ACTN2: variants seen among roughly 807,000 people sequenced by gnomAD.
ACTN2 encodes the protein actinin alpha 2, also known as alpha-actinin-2.
A neutral mutation model predicts 113.8 loss-of-function variants in ACTN2; 39 were observed. The ratio of observed to expected loss-of-function variants is 0.34; its 90% CI spans 0.27 to 0.45. The LOEUF (loss-of-function observed/expected upper bound fraction) is 0.45, where lower values mean the gene tolerates loss of function less well. ACTN2 is among the 20% of genes least tolerant of loss of function. The pLI is 1.00. For missense variants in ACTN2, 992 were observed against 1,177.9 expected (o/e 0.84, Z 2.31); for synonymous variants, 429 against 444.1 (o/e 0.97, Z 0.43).
At chr1:236,698,171 G>A (rs1411432072) in intron 1 of ACTN2, among the ~76,000 whole-genome samples, 1 of 151,318 alleles carries the variant, frequency 6.6e-6, no homozygotes, top group Non-Finnish European at 1.5e-5. Context: ...ACTCAGAATG[G>A]TCATTGATAG....
chr1:236,715,588 T>C (rs1186569524), intron 1 of ACTN2, among the ~76,000 whole-genome samples: 4 of 152,114 alleles, frequency 2.6e-5, no homozygotes, highest in Non-Finnish European at 4.4e-5. Context: ...TTTTAAATTT[T>C]ATTTTAATTA....
intron 1 of ACTN2, among the ~76,000 whole-genome samples, chr1:236,702,075 C>T (rs1429999344): frequency 6.6e-6 from 1 of 152,072 alleles, no homozygotes; most frequent in Admixed American, 6.5e-5. Flanking sequence ...CAGTCTGTAC[C>T]CTTTCCAGTA....
At chr1:236,704,479 C>T (rs775357348) in intron 1 of ACTN2, among the ~76,000 whole-genome samples, 5 of 152,142 alleles carry the variant, frequency 3.3e-5, no homozygotes, top group African/African-American at 4.8e-5. Context: ...AAGACTGCCC[C>T]CCTTCAGACA....
chr1:236,750,440 C>A (rs990316491), intron 14 of ACTN2, among the ~76,000 whole-genome samples: 1 of 152,092 alleles, frequency 6.6e-6, no homozygotes, highest in African/African-American at 2.4e-5. Context: ...AGTCTAAAAT[C>A]GTTTATTTTT....
Position 236,741,488 on chromosome 1 carries a change from G to A in ACTN2, c.1108-1408G>A, listed in dbSNP as rs567951519. Among the ~76,000 whole-genome samples the A allele has an allele frequency of 3.2e-4, 49 of 152,192 alleles. 2 individuals carry two copies. Among genetic ancestry groups the A allele is most frequent in the Middle Eastern group, 6.8e-3 (2 of 294 alleles). On this transcript the variant is annotated intron_variant, in intron 10 of 20. Coordinates refer to ENST00000366578, the MANE Select transcript of ACTN2 (RefSeq NM_001103.4). ...GAACATATCCAAAAGAGTTCCTCCC[G>A]GTTTCCTCGATCCTAGTAAATTCTA...
intron 1 of ACTN2, among the ~76,000 whole-genome samples, chr1:236,692,513 A>C (rs1280039195): frequency 6.6e-6 from 1 of 152,210 alleles, no homozygotes; most frequent in Non-Finnish European, 1.5e-5. Context: ...GGAATTGTAG[A>C]TAGTCTTTGA....
Position 236,747,761 on chromosome 1 carries a change from A to C in ACTN2, c.1501A>C (p.Arg501=), listed in dbSNP as rs1394320410. 6.2e-7 allele frequency: 1 copy of C among 1,613,764 alleles called. No individual in the cohort carries two copies. The highest frequency in any genetic ancestry group is 1.1e-5 in the South Asian group (1 of 91,006). The change falls in exon 13 of 21, where the codon AGA becomes CGA. Residue 501 remains arginine (R), a synonymous_variant. Transcript: ENST00000366578. ...ACTGGGAACGCTTACTCAGAAGAGG[A>C]GAGAAGCCCTAGAGGTGAAGTATTG... ...DRLGTLTQKR[R]EALERMEKLL... is the part of the protein sequence containing the mutation.
intron 1 of ACTN2, among the ~76,000 whole-genome samples, chr1:236,706,400 C>G (rs1042157322): frequency 3.3e-5 from 5 of 152,130 alleles, no homozygotes; most frequent in African/African-American, 9.7e-5. Context: ...CTGTGTGTCA[C>G]TTTCACCAGC....
chr1:236,754,574 T>C lies in ACTN2; in HGVS notation c.1975-445T>C, dbSNP rs1051844059. 6.6e-6 allele frequency among the ~76,000 whole-genome samples: 1 copy of C among 152,172 alleles called. No homozygotes were observed. Among genetic ancestry groups the C allele is most frequent in the Non-Finnish European group, 1.5e-5 (1 of 68,032 alleles). ...CCACCACCCTTTTGGTGTTGAAATATTGACTTTTTTCTTAAAGCGGAGACC... is the reference window on the plus strand; with the variant it reads ...CCACCACCCTTTTGGTGTTGAAATACTGACTTTTTTCTTAAAGCGGAGACC... On this transcript the variant is annotated intron_variant, in intron 16 of 20. Coordinates refer to ENST00000366578, the MANE Select transcript of ACTN2 (RefSeq NM_001103.4). This position sits in a 1 kb window ranked among gnomAD's most constrained non-coding sequence, Gnocchi z 4.9.
intron 8 of ACTN2, among the ~76,000 whole-genome samples, chr1:236,735,977 G>A (rs1658861951): frequency 6.6e-6 from 1 of 152,126 alleles, no homozygotes; most frequent in Admixed American, 6.5e-5. Flanking sequence ...GTTGTGGAAA[G>A]TATTTGTGCT....
At chr1:236,696,567 GAT>G (rs1374332886) in intron 1 of ACTN2, among the ~76,000 whole-genome samples, 1 of 151,926 alleles carries the variant, frequency 6.6e-6, no homozygotes, top group African/African-American at 2.4e-5. Flanking sequence ...TTATATGTAA[GAT>G]AGAACGATAT....
intron 15 of ACTN2, 87 bp from the exon 16 acceptor site, chr1:236,753,860 C>CCCCCCCCCCCCCCTT: frequency 7.6e-7 from 1 of 1,320,870 alleles, no homozygotes; most frequent in Non-Finnish European, 1.1e-6. Flanking sequence ...CTCCCACCCC[C>CCCCCCCCCCCCCCTT]ACCCCTTGGA....
At chr1:236,706,629 A>C (rs758201201) in intron 1 of ACTN2, among the ~76,000 whole-genome samples, 1 of 152,202 alleles carries the variant, frequency 6.6e-6, no homozygotes, top group Non-Finnish European at 1.5e-5. Context: ...GGTATGTATC[A>C]GTGTATATTT....
chr1:236,713,031 T>A (rs1386761444), intron 1 of ACTN2, among the ~76,000 whole-genome samples: 1 of 152,020 alleles, frequency 6.6e-6, no homozygotes, highest in African/African-American at 2.4e-5. Flanking sequence ...GTAATTTTAC[T>A]TGCTGAAGAT....
intron 1 of ACTN2, among the ~76,000 whole-genome samples, chr1:236,709,017 G>A (rs1284991231): frequency 2.0e-5 from 3 of 151,698 alleles, no homozygotes; most frequent in Admixed American, 2.0e-4. Context: ...AAGTGGAAAA[G>A]AACACTATTA....
intron 1 of ACTN2, among the ~76,000 whole-genome samples, chr1:236,694,711 T>C (rs1291268479): frequency 2.0e-5 from 3 of 152,206 alleles, no homozygotes; most frequent in Admixed American, 2.0e-4. Flanking sequence ...AAAAATGTTC[T>C]CTTGAAGTAT....
rs1428788821 is a variant in ACTN2 at position 236,737,315 on chromosome 1, A to ATATATATG, written c.876+104_876+105insATATGTAT. 315 of 295,050 alleles carry ATATATATG rather than the reference A, an allele frequency of 1.1e-3. 29 individuals carry two copies. Among genetic ancestry groups the ATATATATG allele is most frequent in the African/African-American group, 7.0e-3 (304 of 43,660 alleles). The allele number at this position is 295,050 out of a possible 1,614,324, so 18.3% of individuals were successfully genotyped here. ...CGTGGGGGCATATATATATATATAT[A>ATATATATG]TATTTTGCATTTTTCATCTCAGATA... is the stretch of plus-strand genomic sequence containing the variant. On this transcript the variant is annotated intron_variant, in intron 9 of 20. Coordinates refer to ENST00000366578, the MANE Select transcript of ACTN2 (RefSeq NM_001103.4).
chr1:236,751,723 G>A (rs1217211184), intron 15 of ACTN2, 71 bp downstream of exon 15: 22 of 1,574,666 alleles, frequency 1.4e-5, no homozygotes, highest in Middle Eastern at 1.7e-4. Flanking sequence ...GGAAGTTAAC[G>A]CCTCGGGGAC....
At chr1:236,747,519 T>C (rs1659271419) in intron 12 of ACTN2, 148 bp from the exon 13 acceptor site, 1 of 679,650 alleles carries the variant, frequency 1.5e-6, no homozygotes, top group South Asian at 1.7e-5. Flanking sequence ...GAGCCTCCAC[T>C]GTCTATCAGC....
Sources: gnomAD v4.1 joint callset for allele counts (sites outside exome capture counted in the v4.1 genomes callset) on GRCh38, gnomAD v4.1.1 for gene constraint, Gnocchi (gnomAD v3.1) non-coding constraint, MANE v1.5 for transcripts, NCBI Gene and HGNC (gene_info 2026-07-23, HGNC 2026-07-21) for gene names.